MEF2A: variants seen among roughly 807,000 people sequenced by gnomAD.
MEF2A encodes myocyte-specific enhancer factor 2A.
MEF2A carries 28 observed loss-of-function variants against 55.8 expected under a neutral mutation model. That is an observed-to-expected ratio of 0.50 (90% CI 0.37 to 0.69). The LOEUF is 0.69. MEF2A is among the 30% of genes least tolerant of loss of function. MEF2A has a pLI of 0.00. For missense variants in MEF2A, 528 were observed against 626.2 expected (o/e 0.84, Z 1.67); for synonymous variants, 239 against 227.1 (o/e 1.05, Z -0.47).
intron 11 of MEF2A, among the ~76,000 whole-genome samples, chr15:99,711,790 G>T (rs2058665724): frequency 6.6e-6 from 1 of 152,236 alleles, no homozygotes. Context: ...CACAGGATTT[G>T]GCCCTCAGGC....
intron 1 of MEF2A, among the ~76,000 whole-genome samples, chr15:99,592,798 C>G (rs961330362): frequency 6.6e-6 from 1 of 152,126 alleles, no homozygotes; most frequent in African/African-American, 2.4e-5. Flanking sequence ...CATGAGACAT[C>G]TGCTCCCATG....
At chr15:99,602,731 G>GGGGGT (rs1973713087) in intron 2 of MEF2A, among the ~76,000 whole-genome samples, 1 of 17,824 alleles carries the variant, frequency 5.6e-5, no homozygotes, top group Non-Finnish European at 1.3e-4. Context: ...TGTGTGTGTG[G>GGGGGT]GGGGGTGGGG....
Position 99,712,406 on chromosome 15 carries a change from T to C in MEF2A, c.1153T>C (p.Ser385Pro), listed in dbSNP as rs2058739142. 2 of 1,539,136 alleles carry C rather than the reference T, an allele frequency of 1.3e-6. No individual in the cohort carries two copies. Among genetic ancestry groups the C allele is most frequent in the Admixed American group, 2.0e-5 (1 of 50,696 alleles). ...LSSLVAGGQL[S>P]QGSNLSINTN... The stretch of plus-strand genomic sequence containing the variant: ...TTCCTTCAGTGCTGGAGGGCAGTTA[T>C]CTCAGGGTTCCAATTTATCCATTAA... The change falls in exon 12 of 12, where the codon TCT becomes CCT. Residue 385 changes from serine (S) to proline (P), a missense_variant. Transcript: ENST00000557942. The surrounding 1 kb of genome is among the most constrained non-coding windows in gnomAD (Gnocchi z 4.1).
intron 8 of MEF2A, among the ~76,000 whole-genome samples, chr15:99,701,913 A>G (rs2057432470): frequency 6.6e-6 from 1 of 152,200 alleles, no homozygotes; most frequent in Non-Finnish European, 1.5e-5. Context: ...GCCAATTTAG[A>G]GACAAACTCC....
At chr15:99,678,645 C>T in intron 7 of MEF2A, 1 of 984,896 alleles carries the variant, frequency 1.0e-6, no homozygotes. Flanking sequence ...TGGAATACTT[C>T]AGGCCCATGT....
chr15:99,687,447 A>G (rs944279226), intron 7 of MEF2A, among the ~76,000 whole-genome samples: 1 of 152,134 alleles, frequency 6.6e-6, no homozygotes, highest in African/African-American at 2.4e-5. Flanking sequence ...TTATACTAGA[A>G]TGAAAGGAGC....
In MEF2A at chr15:99,639,209, A is replaced by G. The variant is rs192085407; in HGVS notation, c.54+6036A>G. On this transcript the variant is annotated intron_variant, in intron 3 of 11. Transcript: ENST00000557942. ...TTTTATTTTTATTCATAAAGTGAAA[A>G]AAATTAGAGATTTACTGTCCTCTTT... 2.6e-4 allele frequency among the ~76,000 whole-genome samples: 40 copies of G among 152,272 alleles called. 1 individual carries two copies. The highest frequency in any genetic ancestry group is 4.9e-4 in the Non-Finnish European group (33 of 67,988).
intron 3 of MEF2A, among the ~76,000 whole-genome samples, chr15:99,634,932 A>G (rs1268243944): frequency 1.3e-5 from 2 of 152,230 alleles, no homozygotes; most frequent in Non-Finnish European, 2.9e-5. Context: ...CACAGAAACA[A>G]TTTGTCACAA....
intron 1 of MEF2A, among the ~76,000 whole-genome samples, chr15:99,570,285 C>T (rs1409745666): frequency 6.6e-6 from 1 of 152,034 alleles, no homozygotes; most frequent in Admixed American, 6.6e-5. Context: ...TAGTAAATAC[C>T]AACCCGGGCA....
intron 4 of MEF2A, among the ~76,000 whole-genome samples, chr15:99,667,983 G>A (rs978045836): frequency 6.6e-6 from 1 of 151,978 alleles, no homozygotes; most frequent in African/African-American, 2.4e-5. Context: ...GTAAATATTA[G>A]CTAAGTTTAT....
chr15:99,623,981 T>C (rs1003931681), intron 2 of MEF2A, among the ~76,000 whole-genome samples: 3 of 152,082 alleles, frequency 2.0e-5, no homozygotes, highest in Non-Finnish European at 2.9e-5. Flanking sequence ...TAATTTTTTG[T>C]ATATAATAGA....
intron 1 of MEF2A, among the ~76,000 whole-genome samples, chr15:99,587,333 TTGC>T (rs1184462259): frequency 5.3e-5 from 8 of 152,208 alleles, no homozygotes; most frequent in Non-Finnish European, 1.5e-5. Context: ...TTGTGTTAGT[TTGC>T]TGAGAATGAT....
At chr15:99,692,033 T>A (rs28712314) in intron 8 of MEF2A, among the ~76,000 whole-genome samples, 37,663 of 151,992 alleles carry the variant, frequency 0.25, 5,000 homozygotes, top group African/African-American at 0.34. Flanking sequence ...ACTACCATAC[T>A]AAATGATATG....
chr15:99,694,816 A>G, intron 8 of MEF2A, among the ~76,000 whole-genome samples: 1 of 152,212 alleles, frequency 6.6e-6, no homozygotes, highest in East Asian at 1.9e-4. Context: ...CTTCTCTCTC[A>G]TTTATTCAAC....
intron 2 of MEF2A, among the ~76,000 whole-genome samples, chr15:99,629,997 GC>G (rs1393621952): frequency 2.3e-5 from 2 of 88,856 alleles, no homozygotes; most frequent in South Asian, 3.3e-4. Flanking sequence ...CCCCACTCTT[GC>G]CCCCGTCCCT....
At chr15:99,703,736 C>T (rs1175950213) in intron 9 of MEF2A, among the ~76,000 whole-genome samples, 2 of 152,082 alleles carry the variant, frequency 1.3e-5, no homozygotes, top group Non-Finnish European at 1.5e-5. Context: ...ACTTCACCCT[C>T]GAAGTTCCTC....
At chr15:99,691,703 A>G (rs528407904) in intron 8 of MEF2A, among the ~76,000 whole-genome samples, 1 of 152,308 alleles carries the variant, frequency 6.6e-6, no homozygotes, top group South Asian at 2.1e-4. Context: ...GTCTCAAGAA[A>G]AAAAAAAGAA....
At chr15:99,597,267 C>T (rs967110120) in intron 1 of MEF2A, among the ~76,000 whole-genome samples, 3 of 152,118 alleles carry the variant, frequency 2.0e-5, no homozygotes, top group Non-Finnish European at 2.9e-5. Flanking sequence ...GAATGCGCAC[C>T]TGGGGGTGGG....
chr15:99,634,361 A>G (rs1567277954), intron 3 of MEF2A, among the ~76,000 whole-genome samples: 1 of 152,216 alleles, frequency 6.6e-6, no homozygotes, highest in Admixed American at 6.5e-5. Context: ...GGTTGGTACA[A>G]TAGGGAAGAT....
Sources: allele counts gnomAD v4.1 joint callset (sites outside exome capture counted in the v4.1 genomes callset), GRCh38; gene constraint gnomAD v4.1.1; non-coding constraint Gnocchi (gnomAD v3.1); transcripts MANE v1.5; gene names NCBI Gene and HGNC (gene_info 2026-07-23, HGNC 2026-07-21).